INPP5A: variants seen among roughly 807,000 people sequenced by gnomAD.
The protein encoded by INPP5A is 43 kDa inositol polyphosphate 5-phophatase.
Under a neutral mutation model 65.2 loss-of-function variants are expected in INPP5A, and 14 were observed. The observed-to-expected ratio is 0.21, with a 90% CI of 0.14 to 0.34. The LOEUF is 0.34. Ranked by LOEUF, INPP5A falls within the 10% of genes least tolerant of loss-of-function variation. The probability of loss-of-function intolerance (pLI) is 1.00; values close to 1 mark genes in which losing one functional copy is unlikely to be tolerated. For synonymous variants in INPP5A, 207 were observed against 208.3 expected (o/e 0.99, Z 0.05); for missense variants, 431 against 545.6 (o/e 0.79, Z 2.09).
At chr10:132,779,854 G>T (rs1847128787) in intron 13 of INPP5A, among the ~76,000 whole-genome samples, 1 of 152,256 alleles carries the variant, frequency 6.6e-6, no homozygotes, top group Non-Finnish European at 1.5e-5. Flanking sequence ...GGGCGGTGCT[G>T]CTTGGGGAGC....
chr10:132,782,935 T>C lies in INPP5A; in HGVS notation c.*906T>C, dbSNP rs1847193200. The C allele has an allele frequency of 6.6e-6, 1 of 152,456 alleles. No individual in the cohort carries two copies. The highest frequency in any genetic ancestry group is 2.1e-4 in the South Asian group (1 of 4,828). The allele number at this position is 152,456 out of a possible 1,614,324, so 9.4% of individuals were successfully genotyped here. A position where few individuals can be genotyped will look rare whatever the true frequency, so the allele number is the denominator to read the frequency against. On this transcript the variant is annotated 3_prime_UTR_variant, in exon 16 of 16. Transcript: ENST00000368594. This position sits in a 1 kb window ranked among gnomAD's most constrained non-coding sequence, Gnocchi z 4.4. ...TTTTGTAAACCGTTTGTCTGTCTTTTGTTACTGTTTTATGGTGCCAAGTAT... is the reference window on the plus strand; with the variant it reads ...TTTTGTAAACCGTTTGTCTGTCTTTCGTTACTGTTTTATGGTGCCAAGTAT...
At chr10:132,770,193 C>G (rs1246535363) in intron 12 of INPP5A, among the ~76,000 whole-genome samples, 1 of 152,172 alleles carries the variant, frequency 6.6e-6, no homozygotes, top group African/African-American at 2.4e-5. Flanking sequence ...ATCGTCTCCT[C>G]TGGGCAGGCT....
At chr10:132,749,351 C>T (rs770881741) in intron 9 of INPP5A, among the ~76,000 whole-genome samples, 166 bp from the exon 10 acceptor site, 12 of 151,748 alleles carry the variant, frequency 7.9e-5, no homozygotes, top group Non-Finnish European at 1.8e-4. Context: ...GTGTGAGGGT[C>T]GGCTGTTGCG....
chr10:132,684,952 G>A (rs147164899), intron 4 of INPP5A, among the ~76,000 whole-genome samples: 227 of 152,230 alleles, frequency 1.5e-3, no homozygotes, highest in African/African-American at 5.2e-3. Flanking sequence ...GTAATCTCTC[G>A]ACTCTCATTT....
chr10:132,778,971 T>C (rs1847113438), intron 13 of INPP5A, among the ~76,000 whole-genome samples: 1 of 152,214 alleles, frequency 6.6e-6, no homozygotes, highest in East Asian at 1.9e-4. Flanking sequence ...GGTTCCTTAC[T>C]GTTCCTTCCT....
intron 8 of INPP5A, among the ~76,000 whole-genome samples, chr10:132,719,390 G>C (rs1845815291): frequency 1.3e-5 from 2 of 150,480 alleles, no homozygotes; most frequent in African/African-American, 4.9e-5. Flanking sequence ...GGGTTCTGTG[G>C]TACCTGGGTT....
At chr10:132,619,876 C>G (rs2072088248) in intron 2 of INPP5A, among the ~76,000 whole-genome samples, 2 of 152,248 alleles carry the variant, frequency 1.3e-5, no homozygotes, top group African/African-American at 2.4e-5. Context: ...CCAGGCTTGT[C>G]TTGAACTCCT....
At chr10:132,683,086 C>T (rs1264700278) in intron 4 of INPP5A, among the ~76,000 whole-genome samples, 7 of 146,876 alleles carry the variant, frequency 4.8e-5, no homozygotes, top group South Asian at 2.2e-4. Flanking sequence ...ATTTAATCCA[C>T]GTGCACACGT....
chr10:132,689,053 GGTGTGCATGT>G (rs1313956025), intron 4 of INPP5A, among the ~76,000 whole-genome samples: 1 of 152,194 alleles, frequency 6.6e-6, no homozygotes, highest in Non-Finnish European at 1.5e-5. Context: ...GCAAGCGTGT[GGTGTGCATGT>G]GTGTACATGA....
At chr10:132,720,156 G>C in intron 8 of INPP5A, among the ~76,000 whole-genome samples, 1 of 150,634 alleles carries the variant, frequency 6.6e-6, no homozygotes, top group Admixed American at 6.6e-5. Context: ...TCAGGGTTCT[G>C]TGGTACCTGG....
intron 1 of INPP5A, among the ~76,000 whole-genome samples, chr10:132,590,667 C>G (rs1240904340): frequency 6.6e-6 from 1 of 152,214 alleles, no homozygotes; most frequent in Non-Finnish European, 1.5e-5. Context: ...GCCTCGGTAG[C>G]GTTGAGTCCC....
At chr10:132,686,568 C>T (rs1366539466) in intron 4 of INPP5A, among the ~76,000 whole-genome samples, 1 of 152,130 alleles carries the variant, frequency 6.6e-6, no homozygotes, top group African/African-American at 2.4e-5. Context: ...AGGGTAAACA[C>T]CGAAAAAGTT....
At chr10:132,763,809 G>T (rs576452041) in intron 11 of INPP5A, among the ~76,000 whole-genome samples, 1 of 151,568 alleles carries the variant, frequency 6.6e-6, no homozygotes, top group Non-Finnish European at 1.5e-5. Context: ...ACACATGCCT[G>T]TACACGCATA....
At chr10:132,725,562 G>C (rs1845971158) in intron 8 of INPP5A, among the ~76,000 whole-genome samples, 1 of 152,210 alleles carries the variant, frequency 6.6e-6, no homozygotes, top group African/African-American at 2.4e-5. Context: ...TTAGTGATTG[G>C]TTGGGCCCCC....
rs187153917 is a variant in INPP5A, at chr10:132,697,172, C to G, written c.371-644C>G. 1.2e-3 allele frequency among the ~76,000 whole-genome samples: 180 copies of G among 152,374 alleles called. No individual in the cohort carries two copies. The highest frequency in any genetic ancestry group is 4.2e-3 in the African/African-American group (173 of 41,594). On this transcript the variant is annotated intron_variant, in intron 5 of 15. Transcript: ENST00000368594. This position sits in a 1 kb window ranked among gnomAD's most constrained non-coding sequence, Gnocchi z 5.6. The stretch of plus-strand genomic sequence containing the variant: ...CAGGAGTTTGAGGAATGGATCCCTG[C>G]CATCCTTGATCACACCCCACCTTGG...
rs563157611 is a variant in INPP5A at position 132,637,106 on chromosome 10, C to T, written c.118-8762C>T. The stretch of plus-strand genomic sequence containing the variant: ...CTAATTTTTGCATTTTTAGTAGAGA[C>T]GGGGTTTGACCATGTTGGCCAGGAT... On this transcript the variant is annotated intron_variant, in intron 2 of 15. Coordinates refer to ENST00000368594, the MANE Select transcript of INPP5A (RefSeq NM_005539.5). The surrounding 1 kb of genome is among the most constrained non-coding windows in gnomAD (Gnocchi z 4.1). 4.6e-5 allele frequency among the ~76,000 whole-genome samples: 7 copies of T among 152,206 alleles called. No individual in the cohort carries two copies. Among genetic ancestry groups the T allele is most frequent in the East Asian group, 1.9e-4 (1 of 5,178 alleles).
intron 1 of INPP5A, among the ~76,000 whole-genome samples, chr10:132,591,438 C>T (rs1039168986): frequency 1.3e-5 from 2 of 152,194 alleles, no homozygotes; most frequent in African/African-American, 4.8e-5. Flanking sequence ...AGCTCTATGG[C>T]GCCGAGTCAT....
rs1423226951 is a variant in INPP5A, at chr10:132,670,032, C to T, written c.306+19527C>T. ...CTCTGCAGCCACTGACCCCACACCC[C>T]CAGCCCCCATGCCCTCACTGCACAC... On this transcript the variant is annotated intron_variant, in intron 4 of 15. Coordinates refer to ENST00000368594, the MANE Select transcript of INPP5A (RefSeq NM_005539.5). Among the ~76,000 whole-genome samples the T allele has an allele frequency of 2.0e-5, 3 of 147,558 alleles. No homozygotes were observed. The East Asian group carries it at 6.1e-4, about 30-fold the overall frequency.
At chr10:132,593,291 T>A (rs969535445) in intron 1 of INPP5A, among the ~76,000 whole-genome samples, 3 of 152,180 alleles carry the variant, frequency 2.0e-5, no homozygotes, top group African/African-American at 7.2e-5. Flanking sequence ...GGGATTACAC[T>A]GGATGTGAAT....
Sources: allele counts gnomAD v4.1 joint callset (sites outside exome capture counted in the v4.1 genomes callset), GRCh38; gene constraint gnomAD v4.1.1; non-coding constraint Gnocchi (gnomAD v3.1); transcripts MANE v1.5; gene names NCBI Gene and HGNC (gene_info 2026-07-23, HGNC 2026-07-21).